The following CFAP57 variants were observed in gnomAD, a reference collection of about 807,000 sequenced individuals.
CFAP57 encodes cilia- and flagella-associated protein 57.
In CFAP57, 116 loss-of-function variants were observed where a neutral mutation model predicts 146.8. The observed-to-expected ratio is 0.79, with a 90% CI of 0.68 to 0.92. The LOEUF (loss-of-function observed/expected upper bound fraction) is 0.92, where lower values mean the gene tolerates loss of function less well. Ranked by LOEUF, CFAP57 falls within the 40% of genes least tolerant of loss-of-function variation. The probability of loss-of-function intolerance (pLI) is 0.00; values close to 1 mark genes in which losing one functional copy is unlikely to be tolerated. For synonymous variants in CFAP57, 518 were observed against 552.8 expected (o/e 0.94, Z 0.88); for missense variants, 1,377 against 1,527.2 (o/e 0.90, Z 1.64).
intron 18 of CFAP57, among the ~76,000 whole-genome samples, chr1:43,231,254 G>A (rs1340112780): frequency 1.3e-5 from 2 of 152,134 alleles, no homozygotes; most frequent in Non-Finnish European, 2.9e-5. Flanking sequence ...GTGTTCATTA[G>A]GGCCTCCTGG....
rs558361837 is a variant in CFAP57, at chr1:43,188,650, A to G, written c.1122+1791A>G. Among the ~76,000 whole-genome samples the G allele has an allele frequency of 8.5e-5, 13 of 152,322 alleles. No homozygotes were observed. The South Asian group carries it at 2.7e-3, about 32-fold the overall frequency. Reference sequence around the variant, plus strand: ...TATTATTGAGTTGTAACAGTTATTTATAATTCTAGATATAAGTCCTTTATC... The same window carrying G: ...TATTATTGAGTTGTAACAGTTATTTGTAATTCTAGATATAAGTCCTTTATC... On this transcript the variant is annotated intron_variant, in intron 6 of 22. Transcript: ENST00000372492.
chr1:43,174,901 C>T (rs568119815), intron 2 of CFAP57, among the ~76,000 whole-genome samples: 30 of 152,316 alleles, frequency 2.0e-4, no homozygotes, highest in Non-Finnish European at 1.6e-4. Flanking sequence ...TATATTTGCT[C>T]TCATACTTAC....
intron 21 of CFAP57, among the ~76,000 whole-genome samples, chr1:43,242,930 T>C (rs563795692): frequency 6.6e-6 from 1 of 152,314 alleles, no homozygotes; most frequent in Non-Finnish European, 1.5e-5. Context: ...AGGGTTATTA[T>C]GATGCATTTA....
chr1:43,232,041 G>A (rs979247785), intron 18 of CFAP57: 2 of 698,982 alleles, frequency 2.9e-6, no homozygotes, highest in Non-Finnish European at 5.2e-6. Flanking sequence ...CCCACATGTT[G>A]GTCCCTCCAA....
intron 11 of CFAP57, among the ~76,000 whole-genome samples, chr1:43,213,973 C>T (rs748211331): frequency 6.6e-6 from 1 of 151,542 alleles, no homozygotes; most frequent in Non-Finnish European, 1.5e-5. Context: ...TGCAACCTCC[C>T]CCTCCTGGGT....
At chr1:43,224,796 C>T (rs529051575) in intron 17 of CFAP57, among the ~76,000 whole-genome samples, 3 of 152,322 alleles carry the variant, frequency 2.0e-5, no homozygotes, top group Admixed American at 2.0e-4. Flanking sequence ...TCTCCATCTC[C>T]CCTGCCACTA....
At position 43,173,270 on chromosome 1, in the gene CFAP57, G is replaced by A. The variant is rs72968428; in HGVS notation, c.157+360G>A. On this transcript the variant is annotated intron_variant, in intron 2 of 22. Coordinates refer to ENST00000372492, the MANE Select transcript of CFAP57 (RefSeq NM_001378189.1). The stretch of plus-strand genomic sequence containing the variant: ...AGCACACCACCTTCATTATATCACC[G>A]TTTGAATCCAAGTATGATGAAGACA... 4.4e-3 allele frequency among the ~76,000 whole-genome samples: 671 copies of A among 152,166 alleles called. 10 individuals carry two copies. Among genetic ancestry groups the A allele is most frequent in the African/African-American group, 0.016 (645 of 41,476 alleles).
rs575791871 is a variant in CFAP57, at chr1:43,194,169, T to G, written c.1123-3384T>G. 8.2e-5 allele frequency among the ~76,000 whole-genome samples: 12 copies of G among 145,710 alleles called. No individual in the cohort carries two copies. In the South Asian group the frequency reaches 2.4e-3, roughly 29 times the overall value. On this transcript the variant is annotated intron_variant, in intron 6 of 22. Transcript: ENST00000372492. ...ATCTGCTAGCAACATATTTTTTCAG[T>G]TTTTTTGGTAATTTTTTTTCACCTT...
chr1:43,173,260 T>G (rs1645046839), intron 2 of CFAP57, among the ~76,000 whole-genome samples: 1 of 152,202 alleles, frequency 6.6e-6, no homozygotes. Flanking sequence ...ACCACCTTCA[T>G]TATATCACCG....
intron 11 of CFAP57, 145 bp from the exon 12 acceptor site, chr1:43,215,110 C>T: frequency 1.2e-6 from 1 of 853,034 alleles, no homozygotes; most frequent in South Asian, 1.7e-5. Context: ...GAGGGCTCCT[C>T]TCTCATTCTT....
chr1:43,193,103 G>A (rs1643648003), intron 6 of CFAP57, among the ~76,000 whole-genome samples: 1 of 152,022 alleles, frequency 6.6e-6, no homozygotes, highest in African/African-American at 2.4e-5. Context: ...TGACCATTTT[G>A]CATTATAAAA....
intron 1 of CFAP57, 23 bp from the exon 2 acceptor site, chr1:43,172,712 A>G (rs749508953): frequency 1.2e-6 from 2 of 1,612,290 alleles, no homozygotes; most frequent in Admixed American, 1.7e-5. Context: ...TCCACTCTGA[A>G]GCGCTGCCTT....
intron 12 of CFAP57, 107 bp downstream of exon 12, chr1:43,215,523 A>T: frequency 7.5e-7 from 1 of 1,328,770 alleles, no homozygotes; most frequent in Non-Finnish European, 1.0e-6. Flanking sequence ...CCCTATGCCC[A>T]GTGCAGACCC....
At chr1:43,222,069 T>C in intron 14 of CFAP57, 36 bp from the exon 15 acceptor site, 1 of 1,513,024 alleles carries the variant, frequency 6.6e-7, no homozygotes, top group Non-Finnish European at 8.9e-7. Context: ...CAAGTGCTGC[T>C]CTCCCACCTT....
At chr1:43,186,427 C>T (rs963724689) in intron 5 of CFAP57, among the ~76,000 whole-genome samples, 90 of 151,852 alleles carry the variant, frequency 5.9e-4, no homozygotes, top group African/African-American at 1.9e-3. Flanking sequence ...CTGGCTAACG[C>T]GGTGAAACCC....
chr1:43,209,795 C>T lies in CFAP57; in HGVS notation c.1808C>T (p.Ser603Leu), dbSNP rs2124492753. ...GTCACCTACACCGCCATTGTCATCT[C>T]GCATTCTGGACGCATGATGTTTGTG... ...FDVTYTAIVI[S>L]HSGRMMFVGT... Residue 603 changes from serine (S) to leucine (L), a missense_variant, in exon 11 of 23, where the codon TCG becomes TTG. Coordinates refer to ENST00000372492, the MANE Select transcript of CFAP57 (RefSeq NM_001378189.1). The T allele has an allele frequency of 6.2e-7, 1 of 1,614,196 alleles. No homozygotes were observed. The highest frequency in any genetic ancestry group is 1.3e-5 in the African/African-American group (1 of 75,036).
At chr1:43,225,109 T>C (rs1489590728) in intron 17 of CFAP57, among the ~76,000 whole-genome samples, 1 of 151,984 alleles carries the variant, frequency 6.6e-6, no homozygotes, top group Admixed American at 6.6e-5. Context: ...GATCCAAAGC[T>C]CTGTTCAGAT....
rs201770048 is a variant in CFAP57 at position 43,181,582 on chromosome 1, G to A, written c.206G>A (p.Arg69Gln). 2.9e-4 allele frequency: 475 copies of A among 1,614,148 alleles called. No homozygotes were observed. The highest frequency in any genetic ancestry group is 3.5e-4 in the Non-Finnish European group (415 of 1,180,030). The change falls in exon 3 of 23, where the codon CGG becomes CAG. Residue 69 changes from arginine to glutamine, a missense_variant. Coordinates refer to ENST00000372492, the MANE Select transcript of CFAP57 (RefSeq NM_001378189.1). Reference protein sequence around the residue: ...GMLALSISPNRRYLAISETVQ... With the variant: ...GMLALSISPNQRYLAISETVQ... ...TTGGCCTTGTCCATCAGTCCCAATCGGCGGTACCTCGCTATCTCTGAGACT... is the reference window on the plus strand; with the variant it reads ...TTGGCCTTGTCCATCAGTCCCAATCAGCGGTACCTCGCTATCTCTGAGACT...
chr1:43,184,913 T>C, intron 4 of CFAP57: 1 of 507,142 alleles, frequency 2.0e-6, no homozygotes, highest in Non-Finnish European at 3.6e-6. Flanking sequence ...ACTGTTTTCC[T>C]CTACAACTCT....
Sources: gnomAD v4.1 joint callset for allele counts (sites outside exome capture counted in the v4.1 genomes callset) on GRCh38, gnomAD v4.1.1 for gene constraint, MANE v1.5 for transcripts, NCBI Gene and HGNC (gene_info 2026-07-23, HGNC 2026-07-21) for gene names.